Variants in TAS1R1 observed in about 807,000 individuals in gnomAD.
TAS1R1 encodes taste receptor type 1 member 1.
In TAS1R1, 31 loss-of-function variants were observed where a neutral mutation model predicts 45.8. That is an observed-to-expected ratio of 0.68 (90% confidence interval 0.51 to 0.91). TAS1R1 has a LOEUF of 0.91. Among genes scored for constraint, TAS1R1 ranks in the 40% least tolerant of loss-of-function variants. The pLI is 0.00. For synonymous variants in TAS1R1, 437 were observed against 448.4 expected (o/e 0.97, Z 0.32); for missense variants, 1,051 against 1,063.9 (o/e 0.99, Z 0.17).
intron 1 of TAS1R1, among the ~76,000 whole-genome samples, chr1:6,569,942 G>A (rs1299944792): frequency 6.6e-6 from 1 of 151,832 alleles, no homozygotes; most frequent in Non-Finnish European, 1.5e-5. Context: ...TCTGGAAGGG[G>A]AGGGTGGCCA....
chr1:6,575,951 C>T (rs1475494414), intron 3 of TAS1R1, among the ~76,000 whole-genome samples: 1 of 152,192 alleles, frequency 6.6e-6, no homozygotes, highest in Admixed American at 6.5e-5. Flanking sequence ...ACCTCGTCCT[C>T]CCAAAGTGCT....
rs751433512 is a variant in TAS1R1, at chr1:6,571,130, C to T, written c.413C>T (p.Pro138Leu). 1 of 1,613,236 alleles carries T rather than the reference C, an allele frequency of 6.2e-7. No individual in the cohort carries two copies. Among genetic ancestry groups the T allele is most frequent in the South Asian group, 1.1e-5 (1 of 90,918 alleles). The change falls in exon 2 of 6, where the codon CCT becomes CTT. Residue 138 changes from proline to leucine, a missense_variant. Physicochemically the swap from Pro to Leu is moderately conservative, Grantham distance 98. Transcript: ENST00000333172. ...ELQGDLLHYS[P>L]TVLAVIGPDS... is the part of the protein sequence containing the mutation. ...CAAGGAGACCTTCTCCACTATTCCCCTACGGTGCTGGCAGTGATTGGGCCT... is the reference window on the plus strand; with the variant it reads ...CAAGGAGACCTTCTCCACTATTCCCTTACGGTGCTGGCAGTGATTGGGCCT...
intron 1 of TAS1R1, among the ~76,000 whole-genome samples, chr1:6,561,605 C>G (rs1251572364): frequency 6.6e-6 from 1 of 151,986 alleles, no homozygotes; most frequent in East Asian, 1.9e-4. Flanking sequence ...GTCCCAGCTA[C>G]TTGGGAGGCT....
At chr1:6,571,961 C>T (rs1487544352) in intron 2 of TAS1R1, among the ~76,000 whole-genome samples, 3 of 152,150 alleles carry the variant, frequency 2.0e-5, no homozygotes, top group Non-Finnish European at 4.4e-5. Flanking sequence ...TGATGTCAGT[C>T]CTGTCTCTGT....
At chr1:6,573,239 A>G (rs1157035938) in intron 2 of TAS1R1, among the ~76,000 whole-genome samples, 2 of 152,186 alleles carry the variant, frequency 1.3e-5, no homozygotes, top group Admixed American at 6.5e-5. Flanking sequence ...TGGGCAGCTC[A>G]TGAGGTCAGG....
In TAS1R1 at chr1:6,556,654, G is replaced by A. The variant is rs541229739; in HGVS notation, c.191+1090G>A. Among the ~76,000 whole-genome samples, 19 of 151,816 alleles carry A rather than the reference G, an allele frequency of 1.3e-4. No homozygotes were observed. In the South Asian group the frequency reaches 3.8e-3, roughly 30 times the overall value. ...CGACCTCAGGTGATCCGCCCACCTC[G>A]GCCTCCCAAAGTGCTAGGATTATAG... On this transcript the variant is annotated intron_variant, in intron 1 of 5. Transcript: ENST00000333172.
chr1:6,565,728 C>T (rs182501577), intron 1 of TAS1R1, among the ~76,000 whole-genome samples: 177 of 152,146 alleles, frequency 1.2e-3, no homozygotes, highest in African/African-American at 3.8e-3. Flanking sequence ...TTCACAAGGG[C>T]GGTTTTAAGT....
chr1:6,564,418 A>G (rs1639839502), intron 1 of TAS1R1, among the ~76,000 whole-genome samples: 1 of 152,070 alleles, frequency 6.6e-6, no homozygotes, highest in Non-Finnish European at 1.5e-5. Flanking sequence ...CTGTTTTGTA[A>G]GAGGAAAGGG....
At chr1:6,576,738 C>T in intron 4 of TAS1R1, 111 bp downstream of exon 4, 1 of 1,395,044 alleles carries the variant, frequency 7.2e-7, no homozygotes. Flanking sequence ...AGGGGTCCAG[C>T]TGCCACCACT....
chr1:6,575,991 GC>G (rs1640162958), intron 3 of TAS1R1, among the ~76,000 whole-genome samples: 1 of 151,788 alleles, frequency 6.6e-6, no homozygotes, highest in Admixed American at 6.6e-5. Context: ...ACCGCACCCG[GC>G]CTAATTTTTG....
chr1:6,560,826 CAAAA>C, intron 1 of TAS1R1, among the ~76,000 whole-genome samples: 1 of 151,962 alleles, frequency 6.6e-6, no homozygotes, highest in African/African-American at 2.4e-5. Flanking sequence ...ACAAAAAATA[CAAAA>C]AAAATTAGCT....
chr1:6,558,894 C>CT (rs780826392), intron 1 of TAS1R1, among the ~76,000 whole-genome samples: 117 of 140,000 alleles, frequency 8.4e-4, no homozygotes, highest in Middle Eastern at 3.7e-3. Context: ...AATTTTTGTA[C>CT]TTTTTTTTTT....
At chr1:6,570,546 C>A (rs115045332) in intron 1 of TAS1R1, among the ~76,000 whole-genome samples, 2 of 151,694 alleles carry the variant, frequency 1.3e-5, no homozygotes, top group Non-Finnish European at 2.9e-5. Context: ...AACATCAATT[C>A]TTTATAGAAT....
intron 1 of TAS1R1, among the ~76,000 whole-genome samples, chr1:6,560,989 A>AAG (rs1454171753): frequency 6.6e-6 from 1 of 150,604 alleles, no homozygotes; most frequent in East Asian, 1.9e-4. Flanking sequence ...TCTGTCTCAA[A>AAG]AAAAAAAAAA....
chr1:6,557,457 C>A (rs186349933), intron 1 of TAS1R1, among the ~76,000 whole-genome samples: 5 of 152,316 alleles, frequency 3.3e-5, no homozygotes, highest in Admixed American at 2.0e-4. Context: ...GAGATGAGGT[C>A]TTGCTCTTTC....
rs1210153547 is a variant in TAS1R1 at position 6,574,593 on chromosome 1, C to G, written c.499-38C>G. The G allele has an allele frequency of 6.4e-7, 1 of 1,565,714 alleles. No homozygotes were observed. The highest frequency in any genetic ancestry group is 8.7e-7 in the Non-Finnish European group (1 of 1,153,804). On this transcript the variant is annotated intron_variant, in intron 2 of 5. Transcript: ENST00000333172. This position sits in a 1 kb window ranked among gnomAD's most constrained non-coding sequence, Gnocchi z 4.3. ...CAGGGCCAGGCACTGGGGGGGCCTT[C>G]AGTGGAGACTGAAATGGCTGAACGG...
chr1:6,570,301 G>C (rs918979938), intron 1 of TAS1R1, among the ~76,000 whole-genome samples: 3 of 152,082 alleles, frequency 2.0e-5, no homozygotes, highest in Admixed American at 6.5e-5. Flanking sequence ...GCAGATGTTA[G>C]GGGAAAAAAC....
At position 6,578,694 on chromosome 1, in the gene TAS1R1, C is replaced by G; in HGVS notation, c.1636C>G (p.Pro546Ala). Residue 546 changes from proline (P) to alanine (A), a missense_variant, in exon 6 of 6, where the codon CCT becomes GCT. By Grantham distance (27) the Pro-to-Ala change is conservative. Transcript: ENST00000333172. ...GCCTTGTGGGAAAGAAGAGTGGGCA[C>G]CTGAGGGAAGCCAGACCTGCTTCCC... is the stretch of plus-strand genomic sequence containing the variant. The part of the protein sequence containing the change: ...CQPCGKEEWA[P>A]EGSQTCFPRT... The G allele has an allele frequency of 6.2e-7, 1 of 1,601,420 alleles. No homozygotes were observed. Among genetic ancestry groups the G allele is most frequent in the South Asian group, 1.1e-5 (1 of 89,284 alleles).
chr1:6,561,970 G>A (rs1238217329), intron 1 of TAS1R1, among the ~76,000 whole-genome samples: 1 of 152,196 alleles, frequency 6.6e-6, no homozygotes, highest in Non-Finnish European at 1.5e-5. Context: ...CCAGCTCTGG[G>A]AGCCCACATT....
Sources: allele counts gnomAD v4.1 joint callset (sites outside exome capture counted in the v4.1 genomes callset), GRCh38; gene constraint gnomAD v4.1.1; non-coding constraint Gnocchi (gnomAD v3.1); transcripts MANE v1.5; gene names NCBI Gene and HGNC (gene_info 2026-07-23, HGNC 2026-07-21).